The following INPP4A variants were observed in gnomAD, a reference collection of about 807,000 sequenced individuals.
INPP4A encodes the protein inositol polyphosphate-4-phosphatase, type I, 107kD.
INPP4A carries 33 observed loss-of-function variants against 119.8 expected under a neutral mutation model. That is an observed-to-expected ratio of 0.28 (90% CI 0.21 to 0.37). The LOEUF is 0.37. INPP4A is among the 10% of genes least tolerant of loss of function. The probability of loss-of-function intolerance (pLI) is 1.00; values close to 1 mark genes in which losing one functional copy is unlikely to be tolerated. For missense variants in INPP4A, 956 were observed against 1,289.9 expected (o/e 0.74, Z 3.97); for synonymous variants, 496 against 500.7 (o/e 0.99, Z 0.12).
rs1689599236 is a variant in INPP4A, at chr2:98,533,298, C to T, written c.152-79C>T. 4 of 850,994 alleles carry T rather than the reference C, an allele frequency of 4.7e-6. No homozygotes were observed. The Admixed American group carries it at 5.4e-5, about 11-fold the overall frequency. The allele number at this position is 850,994 out of a possible 1,614,324, so 52.7% of individuals were successfully genotyped here. ...GAATGTCATTTACTCTTTGTGCTTT[C>T]TTTGAATGTGTTTGGAACAGAAAAC... On this transcript the variant is annotated intron_variant, in intron 4 of 24. Transcript: ENST00000409851.
chr2:98,448,490 A>G (rs1303798053), intron 1 of INPP4A, among the ~76,000 whole-genome samples: 1 of 151,908 alleles, frequency 6.6e-6, no homozygotes, highest in African/African-American at 2.4e-5. Context: ...TCTGTTTTGC[A>G]TTAAGTTTTT....
chr2:98,466,383 CTG>C, intron 1 of INPP4A, among the ~76,000 whole-genome samples: 1 of 152,370 alleles, frequency 6.6e-6, no homozygotes, highest in East Asian at 1.9e-4. Context: ...AGAGCACTCA[CTG>C]TGCACCAGCA....
intron 1 of INPP4A, among the ~76,000 whole-genome samples, chr2:98,490,500 C>G (rs1680488885): frequency 6.6e-6 from 1 of 152,100 alleles, no homozygotes; most frequent in Non-Finnish European, 1.5e-5. Flanking sequence ...GTCCCTGCAC[C>G]TGTGGTATCA....
rs1252432782 is a variant in INPP4A, at chr2:98,546,904, G to T, written c.1163+210G>T. Among the ~76,000 whole-genome samples the T allele has an allele frequency of 2.0e-5, 3 of 152,128 alleles. No homozygotes were observed. Among genetic ancestry groups the T allele is most frequent in the Non-Finnish European group, 4.4e-5 (3 of 68,002 alleles). ...ATGAGGGCACTGGATCAATGGTCCT[G>T]TCCTGCAAAATGAGGAGCAGATTGT... On this transcript the variant is annotated intron_variant, in intron 13 of 24. Coordinates refer to ENST00000409851, the MANE Select transcript of INPP4A (RefSeq NM_001134225.2). This position sits in a 1 kb window ranked among gnomAD's most constrained non-coding sequence, Gnocchi z 4.2.
chr2:98,532,551 C>T (rs1409570807), intron 4 of INPP4A, among the ~76,000 whole-genome samples: 1 of 152,154 alleles, frequency 6.6e-6, no homozygotes, highest in Non-Finnish European at 1.5e-5. Flanking sequence ...CTTGTGTGAA[C>T]ATGATAGAGT....
intron 17 of INPP4A, among the ~76,000 whole-genome samples, chr2:98,562,539 T>G (rs961717933): frequency 3.9e-5 from 6 of 152,192 alleles, no homozygotes; most frequent in Admixed American, 3.9e-4. Context: ...ACCCTCACCC[T>G]AAGGGGCATG....
At chr2:98,538,681 A>G (rs1223219668) in intron 8 of INPP4A, among the ~76,000 whole-genome samples, 9 of 152,244 alleles carry the variant, frequency 5.9e-5, no homozygotes, top group Non-Finnish European at 1.3e-4. Flanking sequence ...GAAACCATGC[A>G]TGCCTAGAGA....
chr2:98,482,756 A>G (rs1470525589), intron 1 of INPP4A, among the ~76,000 whole-genome samples: 1 of 152,250 alleles, frequency 6.6e-6, no homozygotes, highest in African/African-American at 2.4e-5. Context: ...GAGAAATGCA[A>G]AGCTTTTGAT....
At chr2:98,576,412 G>C (rs1269646273) in intron 23 of INPP4A, among the ~76,000 whole-genome samples, 1 of 152,202 alleles carries the variant, frequency 6.6e-6, no homozygotes, top group African/African-American at 2.4e-5. Context: ...AAAGTATGGC[G>C]GGAGGAGGCC....
chr2:98,572,803 TTTCTC>T lies in INPP4A; in HGVS notation c.2519-8_2519-4del. ...GCGTCACCCACTCCCACGAACTCCT[TTTCTC>T]TTCCAGGCCTGCCTCGGTCTCGCAG... On this transcript the variant is annotated splice_region_variant and splice_polypyrimidine_tract_variant and intron_variant, in intron 22 of 24. Transcript: ENST00000409851. 1 of 1,541,632 alleles carries T rather than the reference TTTCTC, an allele frequency of 6.5e-7. No homozygotes were observed. The highest frequency in any genetic ancestry group is 8.8e-7 in the Non-Finnish European group (1 of 1,142,284).
chr2:98,449,639 G>A (rs1329503899), intron 1 of INPP4A, among the ~76,000 whole-genome samples: 2 of 152,182 alleles, frequency 1.3e-5, no homozygotes, highest in African/African-American at 4.8e-5. Flanking sequence ...TATAAAAACC[G>A]AGATGTAGGC....
intron 13 of INPP4A, among the ~76,000 whole-genome samples, chr2:98,551,393 C>T (rs1375907177): frequency 1.3e-5 from 2 of 152,194 alleles, no homozygotes; most frequent in East Asian, 1.9e-4. Flanking sequence ...TTGTGCCCCA[C>T]GAGCTTGAGT....
rs1297649299 is a variant in INPP4A at position 98,555,602 on chromosome 2, G to A, written c.1616G>A (p.Arg539His). The change falls in exon 16 of 25, where the codon CGT becomes CAT. Residue 539 changes from arginine (R) to histidine (H), a missense_variant. By Grantham distance (29) the Arg-to-His change is conservative (BLOSUM62 0). Around this residue, in one of 2 missense-constraint regions of INPP4A, gnomAD observed 652 missense variants for 797.9 expected, o/e 0.82. Transcript: ENST00000409851. Reference sequence around the variant, plus strand: ...AAGAGCCTAGAGTGCATCATTCAGCGTGTGGACAAGCTGCTGCAGAAGGAG... The same window carrying A: ...AAGAGCCTAGAGTGCATCATTCAGCATGTGGACAAGCTGCTGCAGAAGGAG... ...VDKSLECIIQ[R>H]VDKLLQKERL... 7 of 1,613,854 alleles carry A rather than the reference G, an allele frequency of 4.3e-6. No individual in the cohort carries two copies. The highest frequency in any genetic ancestry group is 2.2e-5 in the East Asian group (1 of 44,878).
At chr2:98,573,666 A>G (rs1214795361) in intron 23 of INPP4A, among the ~76,000 whole-genome samples, 1 of 152,126 alleles carries the variant, frequency 6.6e-6, no homozygotes, top group African/African-American at 2.4e-5. Context: ...AGCTTCCCTG[A>G]GCAGCTCACT....
intron 4 of INPP4A, 144 bp downstream of exon 4, chr2:98,520,875 C>A: frequency 1.8e-6 from 1 of 569,434 alleles, no homozygotes; most frequent in Non-Finnish European, 3.1e-6. Context: ...GAAGACGGAG[C>A]CCTCACAGTT....
rs113354152 is a variant in INPP4A, at chr2:98,573,061, C to T, written c.2631+134C>T. On this transcript the variant is annotated intron_variant, in intron 23 of 24. Coordinates refer to ENST00000409851, the MANE Select transcript of INPP4A (RefSeq NM_001134225.2). ...TGGGAGAGGAGGGAGTCACTGAGTA[C>T]GTTCTGAAGCTCTGAAAGAGACTGA... The T allele has an allele frequency of 3.9e-5, 26 of 668,590 alleles. 1 individual carries two copies. The highest frequency in any genetic ancestry group is 2.2e-4 in the East Asian group (8 of 36,548). The allele number at this position is 668,590 out of a possible 1,614,324, so 41.4% of individuals were successfully genotyped here.
intron 23 of INPP4A, among the ~76,000 whole-genome samples, chr2:98,574,355 T>A (rs991015637): frequency 6.6e-6 from 1 of 151,838 alleles, no homozygotes; most frequent in Non-Finnish European, 1.5e-5. Context: ...ATACAGAGGG[T>A]GGCCGGGCTC....
chr2:98,475,733 T>G (rs1043894924), intron 1 of INPP4A, among the ~76,000 whole-genome samples: 2 of 152,172 alleles, frequency 1.3e-5, no homozygotes, highest in African/African-American at 2.4e-5. Flanking sequence ...CCCTCTCCCT[T>G]CTACCTGCTT....
intron 1 of INPP4A, among the ~76,000 whole-genome samples, chr2:98,452,927 C>T (rs961096504): frequency 6.6e-6 from 1 of 152,168 alleles, no homozygotes. Context: ...CTACTCCTTG[C>T]TCAGCTAGGA....
Sources: gnomAD v4.1 joint callset for allele counts (sites outside exome capture counted in the v4.1 genomes callset) on GRCh38, gnomAD v4.1.1 for gene constraint, gnomAD v4.1.1 regional missense constraint, Gnocchi (gnomAD v3.1) non-coding constraint, MANE v1.5 for transcripts, NCBI Gene and HGNC (gene_info 2026-07-23, HGNC 2026-07-21) for gene names.